EIF4G3: variants seen among roughly 807,000 people sequenced by gnomAD.
The protein encoded by EIF4G3 is eukaryotic translation initiation factor 4 gamma 3, also known as eIF-4-gamma 3.
Under a neutral mutation model 186.4 loss-of-function variants are expected in EIF4G3, and 34 were observed. The ratio of observed to expected loss-of-function variants is 0.18; its 90% confidence interval spans 0.14 to 0.24. EIF4G3 has a LOEUF of 0.24. Among genes scored for constraint, EIF4G3 ranks in the 10% least tolerant of loss-of-function variants. EIF4G3 has a pLI of 1.00. For missense variants in EIF4G3, 1,536 were observed against 1,948.5 expected, an observed-to-expected ratio of 0.79 and a Z score of 3.99; for synonymous variants, 673 against 679.5, an observed-to-expected ratio of 0.99 and a Z score of 0.15.
At chr1:20,826,709 C>T (rs540966249) in intron 32 of EIF4G3, among the ~76,000 whole-genome samples, 1 of 150,878 alleles carries the variant, frequency 6.6e-6, no homozygotes, top group South Asian at 2.1e-4. Context: ...AGGATGGTCT[C>T]GATCTCTTAA....
chr1:21,007,624 T>G (rs181051530), intron 4 of EIF4G3, among the ~76,000 whole-genome samples: 24 of 150,928 alleles, frequency 1.6e-4, no homozygotes, highest in Admixed American at 1.5e-3. Flanking sequence ...TGAGAGAATT[T>G]AGAATAATCT....
intron 4 of EIF4G3, among the ~76,000 whole-genome samples, chr1:21,009,300 C>T (rs1458162319): frequency 6.6e-6 from 1 of 152,172 alleles, no homozygotes; most frequent in African/African-American, 2.4e-5. Context: ...CCTGCCTCAG[C>T]CTCCAAGTAG....
intron 29 of EIF4G3, among the ~76,000 whole-genome samples, chr1:20,848,927 G>A (rs2072211447): frequency 6.6e-6 from 1 of 151,494 alleles, no homozygotes; most frequent in Non-Finnish European, 1.5e-5. Flanking sequence ...GGCACCTGTA[G>A]TCCCAGCTAC....
chr1:20,937,612 G>A (rs1472108150), intron 14 of EIF4G3, among the ~76,000 whole-genome samples: 1 of 151,978 alleles, frequency 6.6e-6, no homozygotes, highest in Non-Finnish European at 1.5e-5. Flanking sequence ...TTTAAATAAT[G>A]GTTTTATATC....
intron 20 of EIF4G3, 35 bp from the exon 21 acceptor site, chr1:20,865,297 A>G (rs1371913185): frequency 4.4e-6 from 7 of 1,606,712 alleles, no homozygotes; most frequent in Non-Finnish European, 5.9e-6. Flanking sequence ...AAAATCAACA[A>G]GATTACTTAA....
chr1:20,953,112 G>T (rs1414531797), intron 12 of EIF4G3, among the ~76,000 whole-genome samples: 1 of 152,122 alleles, frequency 6.6e-6, no homozygotes, highest in African/African-American at 2.4e-5. Context: ...CACTATTGGT[G>T]GGAATGAAAA....
At chr1:20,987,313 C>A (rs1397804593) in intron 7 of EIF4G3, among the ~76,000 whole-genome samples, 1 of 152,164 alleles carries the variant, frequency 6.6e-6, no homozygotes, top group Non-Finnish European at 1.5e-5. Context: ...CTAGAAAAAT[C>A]CTATTTAATC....
intron 13 of EIF4G3, among the ~76,000 whole-genome samples, chr1:20,945,473 G>T (rs920121624): frequency 6.6e-6 from 1 of 152,060 alleles, no homozygotes; most frequent in Non-Finnish European, 1.5e-5. Flanking sequence ...GATATGTTTT[G>T]TTCTGTTTCT....
intron 2 of EIF4G3, among the ~76,000 whole-genome samples, chr1:21,121,774 CAA>C (rs35864256): frequency 5.8e-5 from 5 of 85,728 alleles, no homozygotes; most frequent in Non-Finnish European, 4.9e-5. Context: ...GACTCCGTCT[CAA>C]AAAAAAAAAA....
At position 21,176,320 on chromosome 1, in the gene EIF4G3, CTCCGGTGCCGGG is replaced by C. The variant is rs1357665455; in HGVS notation, c.-429_-418del. Reference sequence around the variant, plus strand: ...ACCGCTGCTGCCGCCGCCGCCGCCGCTCCGGTGCCGGGTCCGGTTCCTGCTGCAGTCGCTGTG... The same window carrying C: ...ACCGCTGCTGCCGCCGCCGCCGCCGCTCCGGTTCCTGCTGCAGTCGCTGTG... On this transcript the variant is annotated 5_prime_UTR_variant, in exon 2 of 37. Transcript: ENST00000602326. 1 of 265,174 alleles carries C rather than the reference CTCCGGTGCCGGG, an allele frequency of 3.8e-6. No homozygotes were observed. The highest frequency in any genetic ancestry group is 2.3e-5 in the African/African-American group (1 of 43,166). 16.4% of individuals were successfully genotyped at this position (265,174 alleles called of 1,614,324 possible). A position where few individuals can be genotyped will look rare whatever the true frequency, so the allele number is the denominator to read the frequency against.
At chr1:20,945,132 G>A (rs1221851846) in intron 13 of EIF4G3, among the ~76,000 whole-genome samples, 2 of 151,258 alleles carry the variant, frequency 1.3e-5, no homozygotes, top group African/African-American at 4.9e-5. Context: ...AAACACAGTA[G>A]AGCTAAATTA....
At chr1:20,967,118 G>T (rs1289457944) in intron 12 of EIF4G3, among the ~76,000 whole-genome samples, 1 of 152,136 alleles carries the variant, frequency 6.6e-6, no homozygotes, top group Non-Finnish European at 1.5e-5. Flanking sequence ...AGAACAAAAA[G>T]ATGTCTGTAG....
chr1:21,057,410 A>G (rs551814510), intron 3 of EIF4G3, among the ~76,000 whole-genome samples: 11 of 152,330 alleles, frequency 7.2e-5, no homozygotes, highest in African/African-American at 2.4e-4. Flanking sequence ...TATATAAAGT[A>G]TGATTCCATT....
intron 2 of EIF4G3, among the ~76,000 whole-genome samples, chr1:21,157,229 TTCCCTCAACTGTAGATG>T (rs1026569082): frequency 1.2e-4 from 19 of 152,202 alleles, no homozygotes; most frequent in African/African-American, 4.6e-4. Context: ...CCCATACCAT[TTCCCTCAACTGTAGATG>T]TCCTTCCCCT....
chr1:20,818,094 T>C (rs962396658), intron 33 of EIF4G3, among the ~76,000 whole-genome samples: 1 of 152,208 alleles, frequency 6.6e-6, no homozygotes, highest in Non-Finnish European at 1.5e-5. Context: ...CTCTAGGCTA[T>C]GGTTACACGC....
At chr1:20,989,069 AGGG>A (rs2080309833) in intron 7 of EIF4G3, among the ~76,000 whole-genome samples, 8 of 19,136 alleles carry the variant, frequency 4.2e-4, no homozygotes, top group Non-Finnish European at 6.3e-4. Context: ...AGGGGAGGGG[AGGG>A]GAGGGGAGGG....
At chr1:21,062,752 G>A (rs2154578641) in intron 3 of EIF4G3, among the ~76,000 whole-genome samples, 1 of 152,270 alleles carries the variant, frequency 6.6e-6, no homozygotes, top group South Asian at 2.1e-4. Flanking sequence ...ACCACGCCTG[G>A]CTAATTTTTT....
chr1:21,060,761 C>T lies in EIF4G3; in HGVS notation c.-195-9767G>A, dbSNP rs76075493. Among the ~76,000 whole-genome samples, 75 of 130,818 alleles carry T rather than the reference C, an allele frequency of 5.7e-4. 1 individual carries two copies. Among genetic ancestry groups the T allele is most frequent in the Middle Eastern group, 4.6e-3 (1 of 216 alleles). 85.8% of individuals were successfully genotyped at this position (130,818 alleles called of 152,430 possible). A position where few individuals can be genotyped will look rare whatever the true frequency, so the allele number is the denominator to read the frequency against. The stretch of plus-strand genomic sequence containing the variant: ...CCACTGCATCACAGCCTGGTCAACA[C>T]AGCAAGATCCTGTCTCTTAAGAAAA... On this transcript the variant is annotated intron_variant, in intron 3 of 36. Transcript: ENST00000602326.
chr1:20,902,064 T>C (rs2090480733), intron 15 of EIF4G3, among the ~76,000 whole-genome samples: 1 of 151,820 alleles, frequency 6.6e-6, no homozygotes, highest in African/African-American at 2.4e-5. Flanking sequence ...TTCTAGGCTA[T>C]AATTTTTTTT....
Sources: gnomAD v4.1 joint callset for allele counts (sites outside exome capture counted in the v4.1 genomes callset) on GRCh38, gnomAD v4.1.1 for gene constraint, MANE v1.5 for transcripts, NCBI Gene and HGNC (gene_info 2026-07-23, HGNC 2026-07-21) for gene names.